The following ZMYND15 variants were observed in gnomAD, a reference collection of about 807,000 sequenced individuals.
The protein encoded by ZMYND15 is zinc finger MYND-type containing 15, also known as zinc finger MYND domain-containing protein 15.
In ZMYND15, 54 loss-of-function variants were observed where a neutral mutation model predicts 81.7. That is an observed-to-expected ratio of 0.66 (90% CI 0.53 to 0.83). The LOEUF (loss-of-function observed/expected upper bound fraction) is 0.83, where lower values mean the gene tolerates loss of function less well. Ranked by LOEUF, ZMYND15 falls within the 40% of genes least tolerant of loss-of-function variation. The pLI is 0.00. For missense variants in ZMYND15, 925 were observed against 973.5 expected (o/e 0.95, Z 0.66); for synonymous variants, 399 against 387.0 (o/e 1.03, Z -0.36).
At chr17:4,742,619 G>A in intron 5 of ZMYND15, 128 bp downstream of exon 5, 1 of 1,291,542 alleles carries the variant, frequency 7.7e-7, no homozygotes, top group Non-Finnish European at 1.1e-6. Flanking sequence ...TAGATCCCTG[G>A]AACAAGGGCA....
chr17:4,740,346 C>T, intron 1 of ZMYND15, 173 bp from the exon 2 acceptor site: 1 of 1,167,672 alleles, frequency 8.6e-7, no homozygotes, highest in Non-Finnish European at 1.1e-6. Flanking sequence ...CCCCCATTTT[C>T]CTCCCTAAAC....
Position 4,744,664 on chromosome 17 carries a change from T to G in ZMYND15, c.1723T>G (p.Ser575Ala), listed in dbSNP as rs1227586604. Residue 575 changes from serine (S) to alanine (A), a missense_variant, in exon 11 of 14, where the codon TCA becomes GCA. Ser to Ala is a moderately conservative substitution (Grantham distance 99, BLOSUM62 1). Coordinates refer to ENST00000433935, the MANE Select transcript of ZMYND15 (RefSeq NM_001136046.3). The surrounding 1 kb of genome is among the most constrained non-coding windows in gnomAD (Gnocchi z 4.1). ...EVSVRPGSGI[S>A]ARPSSGTKEK... ...GTCTGTCCGGCCTGGTTCCGGCATATCAGCACGGCCCAGCTCTGGCACTAA... is the reference window on the plus strand; with the variant it reads ...GTCTGTCCGGCCTGGTTCCGGCATAGCAGCACGGCCCAGCTCTGGCACTAA... The G allele has an allele frequency of 1.2e-6, 2 of 1,613,502 alleles. No individual in the cohort carries two copies. The highest frequency in any genetic ancestry group is 1.1e-5 in the South Asian group (1 of 91,052).
rs779718566 is a variant in ZMYND15 at position 4,740,605 on chromosome 17, C to T, written c.57C>T (p.Phe19=). 3.7e-6 allele frequency: 6 copies of T among 1,611,476 alleles called. No homozygotes were observed. Among genetic ancestry groups the T allele is most frequent in the East Asian group, 2.2e-5 (1 of 44,820 alleles). The change falls in exon 2 of 14, where the codon TTC becomes TTT. Residue 19 remains phenylalanine (F), a synonymous_variant. Coordinates refer to ENST00000433935, the MANE Select transcript of ZMYND15 (RefSeq NM_001136046.3). ...DEFLDFTALL[F]GWFRKFVAER... is the part of the protein sequence containing the mutation. ...TCCTTGATTTCACTGCCCTTCTCTT[C>T]GGCTGGTTCCGAAAGTTTGTGGCAG...
At position 4,743,839 on chromosome 17, in the gene ZMYND15, G is replaced by T. The variant is rs370047907; in HGVS notation, c.1370G>T (p.Gly457Val). 2.5e-6 allele frequency: 4 copies of T among 1,613,956 alleles called. No individual in the cohort carries two copies. The highest frequency in any genetic ancestry group is 3.4e-6 in the Non-Finnish European group (4 of 1,179,972). The change falls in exon 7 of 14, where the codon GGT (glycine) becomes GTT (valine). Residue 457 changes from glycine (G) to valine (V), a missense_variant. Physicochemically the swap from Gly to Val is moderately radical, Grantham distance 109. Transcript: ENST00000433935. The surrounding 1 kb of genome is among the most constrained non-coding windows in gnomAD (Gnocchi z 4.3). ...CCTGTGCCCCCACATCCACCCCGGG[G>T]TGTTTTTGGTGAGCTGGAGGGGCCC... ...MPPVPPHPPR[G>V]VFGSWQDYYT...
At position 4,746,058 on chromosome 17, in the gene ZMYND15, A is replaced by AG. The variant is rs1916656320; in HGVS notation, c.*73dup. On this transcript the variant is annotated 3_prime_UTR_variant, in exon 14 of 14. Transcript: ENST00000433935. ...GAAAACGTGAAAACACTCAAGGCCT[A>AG]GGGGGAGGACAGGTTGGTAAAACAT... 1.5e-6 allele frequency: 2 copies of AG among 1,362,450 alleles called. No individual in the cohort carries two copies. The highest frequency in any genetic ancestry group is 1.8e-5 in the South Asian group (1 of 55,552). The allele number at this position is 1,362,450 out of a possible 1,614,324, so 84.4% of individuals were successfully genotyped here.
chr17:4,744,433 C>T lies in ZMYND15; in HGVS notation c.1649C>T (p.Pro550Leu), dbSNP rs1014159372. Residue 550 changes from proline to leucine, a missense_variant, in exon 10 of 14, where the codon CCC becomes CTC. Physicochemically the swap from Pro to Leu is moderately conservative, Grantham distance 98. Coordinates refer to ENST00000433935, the MANE Select transcript of ZMYND15 (RefSeq NM_001136046.3). The surrounding 1 kb of genome is among the most constrained non-coding windows in gnomAD (Gnocchi z 4.1). The part of the protein sequence containing the change: ...ELQFVGDGLP[P>L]ESDEQHFTLQ... ...CAGTTTGTAGGTGATGGCCTGCCCCCCGAAAGCGACGAGCAGCATTTTACC... is the reference window on the plus strand; with the variant it reads ...CAGTTTGTAGGTGATGGCCTGCCCCTCGAAAGCGACGAGCAGCATTTTACC... 1 of 1,614,018 alleles carries T rather than the reference C, an allele frequency of 6.2e-7. No individual in the cohort carries two copies. The highest frequency in any genetic ancestry group is 8.5e-7 in the Non-Finnish European group (1 of 1,180,020).
Position 4,741,949 on chromosome 17 carries a change from A to G in ZMYND15, c.862A>G (p.Lys288Glu). The G allele has an allele frequency of 6.2e-7, 1 of 1,614,154 alleles. No homozygotes were observed. ...LESLVPRLGV[K>E]LAKTPMRTWG... ...GAGCTTGGTCCCAAGGCTAGGTGTG[A>G]AGTTAGCCAAAACCCCAATGCGGAC... The change falls in exon 4 of 14, where the codon AAG (lysine) becomes GAG (glutamate). Residue 288 changes from lysine to glutamate, a missense_variant. Physicochemically the swap from Lys to Glu is moderately conservative, Grantham distance 56. Transcript: ENST00000433935.
At position 4,743,791 on chromosome 17, in the gene ZMYND15, G is replaced by A. The variant is rs769180231; in HGVS notation, c.1322G>A (p.Gly441Glu). 2.5e-6 allele frequency: 4 copies of A among 1,614,024 alleles called. No homozygotes were observed. Among genetic ancestry groups the A allele is most frequent in the African/African-American group, 1.3e-5 (1 of 75,008 alleles). Reference sequence around the variant, plus strand: ...GGAGACCCCTACCAGCTTCTCCAGGGAGACGGGACTGCCCTGATGCCTCCT... The same window carrying A: ...GGAGACCCCTACCAGCTTCTCCAGGAAGACGGGACTGCCCTGATGCCTCCT... ...RGGDPYQLLQ[G>E]DGTALMPPVP... The change falls in exon 7 of 14, where the codon GGA becomes GAA. Residue 441 changes from glycine to glutamate, a missense_variant. Physicochemically the swap from Gly to Glu is moderately conservative, Grantham distance 98. Transcript: ENST00000433935. This position sits in a 1 kb window ranked among gnomAD's most constrained non-coding sequence, Gnocchi z 4.3.
chr17:4,740,767 A>G lies in ZMYND15; in HGVS notation c.219A>G (p.Gln73=). The G allele has an allele frequency of 1.9e-6, 3 of 1,600,048 alleles. No homozygotes were observed. In the South Asian group the frequency reaches 3.3e-5, roughly 18 times the overall value. The stretch of plus-strand genomic sequence containing the variant: ...ATAGTGTGGGCATCAGCCTGGGGCA[A>G]GGGGCAGAACCAGGTCCTGGACCAG... ...PNHSVGISLG[Q]GAEPGPGPGL... is the part of the protein sequence containing the mutation. The change falls in exon 2 of 14, where the codon CAA becomes CAG. Residue 73 remains glutamine, a synonymous_variant. Coordinates refer to ENST00000433935, the MANE Select transcript of ZMYND15 (RefSeq NM_001136046.3).
In ZMYND15 at chr17:4,744,045, C is replaced by T. The variant is rs749366522; in HGVS notation, c.1433C>T (p.Ala478Val). The T allele has an allele frequency of 2.6e-6, 4 of 1,554,618 alleles. No individual in the cohort carries two copies. In the Admixed American group the frequency reaches 7.8e-5, roughly 30 times the overall value. The change falls in exon 8 of 14, where the codon GCC becomes GTC. Residue 478 changes from alanine (A) to valine (V), a missense_variant. Coordinates refer to ENST00000433935, the MANE Select transcript of ZMYND15 (RefSeq NM_001136046.3). This position sits in a 1 kb window ranked among gnomAD's most constrained non-coding sequence, Gnocchi z 4.1. ...WRGLSLDSPI[A>V]VLLTYPLTVY... ...GGCCTCAGCTTGGACTCCCCCATAG[C>T]CGTGCTTCTCACCTACCCGCTGACC...
At position 4,745,812 on chromosome 17, in the gene ZMYND15, C is replaced by T. The variant is rs374214673; in HGVS notation, c.2058-7C>T. ...GTGGTCCCTGACTGCGCCCCGCGCC[C>T]CCGCAGGTACTGCAATGCCTTCATC... On this transcript the variant is annotated splice_polypyrimidine_tract_variant and splice_region_variant and intron_variant, in intron 13 of 13. Transcript: ENST00000433935. The surrounding 1 kb of genome is among the most constrained non-coding windows in gnomAD (Gnocchi z 5.2). 1.9e-5 allele frequency: 31 copies of T among 1,589,854 alleles called. No individual in the cohort carries two copies. The highest frequency in any genetic ancestry group is 1.7e-4 in the Middle Eastern group (1 of 5,938).
chr17:4,740,997 C>T lies in ZMYND15; in HGVS notation c.449C>T (p.Thr150Ile), dbSNP rs929062285. 6 of 1,557,550 alleles carry T rather than the reference C, an allele frequency of 3.9e-6. No individual in the cohort carries two copies. In the Admixed American group the frequency reaches 9.8e-5, roughly 25 times the overall value. Residue 150 changes from threonine to isoleucine, a missense_variant, in exon 2 of 14, where the codon ACC becomes ATC. Physicochemically the swap from Thr to Ile is moderately conservative, Grantham distance 89. Transcript: ENST00000433935. ...EPEEDRELAPTSRESPQETNP... is the reference protein window; with the variant it reads ...EPEEDRELAPISRESPQETNP... The stretch of plus-strand genomic sequence containing the variant: ...GAGGAGGACCGGGAGCTAGCCCCTA[C>T]CAGCAGGGAGTCCCCCCAGGAAACA...
chr17:4,741,590 C>T lies in ZMYND15; in HGVS notation c.601C>T (p.Pro201Ser). 6.2e-7 allele frequency: 1 copy of T among 1,613,992 alleles called. No homozygotes were observed. The highest frequency in any genetic ancestry group is 8.5e-7 in the Non-Finnish European group (1 of 1,179,916). Reference protein sequence around the residue: ...KRKGQRSEAAPLHVSCLLLVT... With the variant: ...KRKGQRSEAASLHVSCLLLVT... ...TTTCCCTCTTTCCCCAGAGGCTGCC[C>T]CCCTGCACGTTTCCTGTCTCTTACT... The change falls in exon 3 of 14, where the codon CCC (proline) becomes TCC (serine). Residue 201 changes from proline to serine, a missense_variant. Transcript: ENST00000433935.
chr17:4,741,628 G>A lies in ZMYND15; in HGVS notation c.639G>A (p.Glu213=), dbSNP rs1234551096. 1.9e-6 allele frequency: 3 copies of A among 1,614,130 alleles called. No homozygotes were observed. The highest frequency in any genetic ancestry group is 2.2e-5 in the South Asian group (2 of 91,084). ...CCTGTCTCTTACTTGTGACGGATGA[G>A]CATGGCACCATCTTGGGCATTGATC... ...HVSCLLLVTD[E]HGTILGIDLL... is the part of the protein sequence containing the mutation. Residue 213 remains glutamate (E), a synonymous_variant, in exon 3 of 14, where the codon GAG becomes GAA. Coordinates refer to ENST00000433935, the MANE Select transcript of ZMYND15 (RefSeq NM_001136046.3).
In ZMYND15 at chr17:4,741,766, G is replaced by A; in HGVS notation, c.777G>A (p.Gly259=). The change falls in exon 3 of 14, where the codon GGG becomes GGA. Residue 259 remains glycine (G), a synonymous_variant. Coordinates refer to ENST00000433935, the MANE Select transcript of ZMYND15 (RefSeq NM_001136046.3). ...CHSMACPMGS[G]DPRKPRQLTV... ...GCATGGCCTGTCCCATGGGCTCTGG[G>A]GATCCCCGAAAGCCCCGACAGCTTA... 6.3e-7 allele frequency: 1 copy of A among 1,588,408 alleles called. No individual in the cohort carries two copies. The highest frequency in any genetic ancestry group is 8.6e-7 in the Non-Finnish European group (1 of 1,165,356).
At chr17:4,742,804 G>A (rs1043353716) in intron 5 of ZMYND15, among the ~76,000 whole-genome samples, 1 of 152,156 alleles carries the variant, frequency 6.6e-6, no homozygotes, top group Non-Finnish European at 1.5e-5. Flanking sequence ...TGAAGCTTCC[G>A]TGTCCTCATG....
rs1014159372 is a variant in ZMYND15 at position 4,744,433 on chromosome 17, C to G, written c.1649C>G (p.Pro550Arg). 8 of 1,614,136 alleles carry G rather than the reference C, an allele frequency of 5.0e-6. No individual in the cohort carries two copies. The highest frequency in any genetic ancestry group is 5.1e-6 in the Non-Finnish European group (6 of 1,180,012). The part of the protein sequence containing the change: ...ELQFVGDGLP[P>R]ESDEQHFTLQ... ...CAGTTTGTAGGTGATGGCCTGCCCCCCGAAAGCGACGAGCAGCATTTTACC... is the reference window on the plus strand; with the variant it reads ...CAGTTTGTAGGTGATGGCCTGCCCCGCGAAAGCGACGAGCAGCATTTTACC... The change falls in exon 10 of 14, where the codon CCC (proline) becomes CGC (arginine). Residue 550 changes from proline (P) to arginine (R), a missense_variant. Transcript: ENST00000433935. The surrounding 1 kb of genome is among the most constrained non-coding windows in gnomAD (Gnocchi z 4.1).
Position 4,744,432 on chromosome 17 carries a change from C to A in ZMYND15, c.1648C>A (p.Pro550Thr). 1 of 1,614,106 alleles carries A rather than the reference C, an allele frequency of 6.2e-7. No individual in the cohort carries two copies. The highest frequency in any genetic ancestry group is 8.5e-7 in the Non-Finnish European group (1 of 1,180,008). Residue 550 changes from proline to threonine, a missense_variant, in exon 10 of 14, where the codon CCC becomes ACC. Coordinates refer to ENST00000433935, the MANE Select transcript of ZMYND15 (RefSeq NM_001136046.3). This position sits in a 1 kb window ranked among gnomAD's most constrained non-coding sequence, Gnocchi z 4.1. ...GCAGTTTGTAGGTGATGGCCTGCCCCCCGAAAGCGACGAGCAGCATTTTAC... is the reference window on the plus strand; with the variant it reads ...GCAGTTTGTAGGTGATGGCCTGCCCACCGAAAGCGACGAGCAGCATTTTAC... ...ELQFVGDGLP[P>T]ESDEQHFTLQ...
chr17:4,741,509 T>A lies in ZMYND15; in HGVS notation c.593-73T>A, dbSNP rs1284872317. On this transcript the variant is annotated intron_variant, in intron 2 of 13. Coordinates refer to ENST00000433935, the MANE Select transcript of ZMYND15 (RefSeq NM_001136046.3). ...TGCCTAGCCCCGTAGGTATTTGAGT[T>A]TGGTACTCCTGACCCTGACCACATT... The A allele has an allele frequency of 5.2e-6, 8 of 1,540,780 alleles. No individual in the cohort carries two copies. The South Asian group carries it at 8.0e-5, about 15-fold the overall frequency.
Sources: allele counts gnomAD v4.1 joint callset (sites outside exome capture counted in the v4.1 genomes callset), GRCh38; gene constraint gnomAD v4.1.1; non-coding constraint Gnocchi (gnomAD v3.1); transcripts MANE v1.5; gene names NCBI Gene and HGNC (gene_info 2026-07-23, HGNC 2026-07-21).